The following FRYL variants were observed in gnomAD, a reference collection of about 807,000 sequenced individuals.
FRYL encodes the protein protein furry homolog-like.
Under a neutral mutation model 351.2 loss-of-function variants are expected in FRYL, and 150 were observed. That is an observed-to-expected ratio of 0.43 (90% CI 0.37 to 0.49). The LOEUF (loss-of-function observed/expected upper bound fraction) is 0.49, where lower values mean the gene tolerates loss of function less well. FRYL is among the 20% of genes least tolerant of loss of function. The probability of loss-of-function intolerance (pLI) is 0.00; values close to 1 mark genes in which losing one functional copy is unlikely to be tolerated. For missense variants in FRYL, 3,036 were observed against 3,619.3 expected (o/e 0.84, Z 4.13); for synonymous variants, 1,153 against 1,257.1 (o/e 0.92, Z 1.75).
chr4:48,589,242 G>C (rs1267398600), intron 18 of FRYL, among the ~76,000 whole-genome samples: 2 of 152,076 alleles, frequency 1.3e-5, no homozygotes, highest in Non-Finnish European at 2.9e-5. Flanking sequence ...AAGATGCAGA[G>C]ATGACAAATA....
intron 1 of FRYL, among the ~76,000 whole-genome samples, chr4:48,779,508 G>A (rs1362028482): frequency 2.0e-5 from 3 of 151,916 alleles, no homozygotes; most frequent in Non-Finnish European, 4.4e-5. Flanking sequence ...GGGCTGGCGC[G>A]CTCCGCCGGT....
intron 2 of FRYL, among the ~76,000 whole-genome samples, chr4:48,706,492 A>T (rs1207541170): frequency 6.6e-6 from 1 of 152,188 alleles, no homozygotes; most frequent in Non-Finnish European, 1.5e-5. Context: ...TGGGCAAAGA[A>T]GACGATGGGG....
chr4:48,683,455 T>A (rs1157809236), intron 3 of FRYL, among the ~76,000 whole-genome samples: 15 of 151,938 alleles, frequency 9.9e-5, no homozygotes, highest in Admixed American at 3.9e-4. Flanking sequence ...AAATTTCTGG[T>A]TCTGAATTAC....
intron 47 of FRYL, 26 bp from the exon 48 acceptor site, chr4:48,535,853 T>C (rs1728765161): frequency 1.4e-6 from 2 of 1,453,820 alleles, no homozygotes; most frequent in Non-Finnish European, 1.8e-6. Flanking sequence ...AATTATTTCA[T>C]TCACCTAAAA....
chr4:48,620,138 C>A (rs551271978), intron 6 of FRYL, among the ~76,000 whole-genome samples: 26 of 152,286 alleles, frequency 1.7e-4, no homozygotes, highest in African/African-American at 6.0e-4. Flanking sequence ...CACCTGAACA[C>A]ACGTGGCTCT....
At chr4:48,649,300 T>C (rs1488498358) in intron 3 of FRYL, among the ~76,000 whole-genome samples, 2 of 152,182 alleles carry the variant, frequency 1.3e-5, no homozygotes, top group Non-Finnish European at 2.9e-5. Context: ...TGTGCAAAAA[T>C]GCAAGTAATC....
Position 48,586,534 on chromosome 4 carries a change from T to C in FRYL, c.1748+87A>G, listed in dbSNP as rs1578232888. 1.4e-5 allele frequency: 12 copies of C among 850,718 alleles called. No individual in the cohort carries two copies. The East Asian group carries it at 3.1e-4, about 22-fold the overall frequency. The allele number at this position is 850,718 out of a possible 1,614,324, so 52.7% of individuals were successfully genotyped here. On this transcript the variant is annotated intron_variant, in intron 19 of 63. Transcript: ENST00000358350. ...TTAGAAATGTCTTTAACATCGCCTT[T>C]TTAGTGATAACAGTAACAAAGGTAT...
intron 3 of FRYL, among the ~76,000 whole-genome samples, chr4:48,657,642 T>C (rs1759529704): frequency 6.6e-6 from 1 of 152,162 alleles, no homozygotes; most frequent in African/African-American, 2.4e-5. Context: ...GCCCCAAAAA[T>C]TGTTTCTTGA....
At chr4:48,627,077 T>C (rs1461854636) in intron 4 of FRYL, among the ~76,000 whole-genome samples, 2 of 152,148 alleles carry the variant, frequency 1.3e-5, no homozygotes, top group Non-Finnish European at 2.9e-5. Flanking sequence ...AATAATATAC[T>C]AATATATGTT....
intron 1 of FRYL, among the ~76,000 whole-genome samples, 180 bp downstream of exon 1, chr4:48,779,898 G>A (rs1051328173): frequency 2.6e-5 from 4 of 151,836 alleles, no homozygotes; most frequent in African/African-American, 7.3e-5. Context: ...GGGCCGCGCC[G>A]CGCCGCTTGC....
intron 44 of FRYL, 120 bp from the exon 45 acceptor site, chr4:48,542,241 T>C (rs941485034): frequency 4.2e-6 from 3 of 706,464 alleles, no homozygotes; most frequent in Non-Finnish European, 4.9e-6. Flanking sequence ...ATGATTAAAC[T>C]CTTGAGCAAC....
intron 53 of FRYL, among the ~76,000 whole-genome samples, chr4:48,524,774 A>G (rs1725647345): frequency 6.6e-6 from 1 of 152,184 alleles, no homozygotes; most frequent in African/African-American, 2.4e-5. Flanking sequence ...GCACTGAATG[A>G]ACTTGAAAGC....
intron 1 of FRYL, among the ~76,000 whole-genome samples, chr4:48,758,691 G>C (rs1161643141): frequency 6.6e-6 from 1 of 152,202 alleles, no homozygotes; most frequent in East Asian, 1.9e-4. Flanking sequence ...CAAGGATCTA[G>C]AACTAGAAAT....
intron 1 of FRYL, among the ~76,000 whole-genome samples, chr4:48,712,829 C>G (rs908429860): frequency 1.2e-4 from 19 of 152,184 alleles, no homozygotes; most frequent in African/African-American, 1.7e-4. Flanking sequence ...CAGCCAGAGA[C>G]AAAGGTCGGG....
At chr4:48,565,442 G>T in intron 29 of FRYL, 89 bp downstream of exon 29, 1 of 969,988 alleles carries the variant, frequency 1.0e-6, no homozygotes, top group Non-Finnish European at 1.5e-6. Flanking sequence ...AATACTCTCA[G>T]ATCCTCTTTT....
intron 1 of FRYL, among the ~76,000 whole-genome samples, chr4:48,777,079 TC>T (rs1213962508): frequency 6.6e-6 from 1 of 152,180 alleles, no homozygotes; most frequent in Non-Finnish European, 1.5e-5. Flanking sequence ...AAGACTGTCA[TC>T]CAGTTCTACT....
chr4:48,603,224 G>T, intron 12 of FRYL, 66 bp downstream of exon 12: 2 of 1,109,754 alleles, frequency 1.8e-6, no homozygotes, highest in South Asian at 1.4e-5. Flanking sequence ...AATTTCCACT[G>T]AATTCATAAA....
rs139641487 is a variant in FRYL, at chr4:48,559,422, G to A, written c.3866-1710C>T. Among the ~76,000 whole-genome samples the A allele has an allele frequency of 4.1e-3, 596 of 146,110 alleles. 3 individuals are homozygous for A. Among genetic ancestry groups the A allele is most frequent in the African/African-American group, 0.014 (565 of 39,362 alleles). Reference sequence around the variant, plus strand: ...ACACTTAAGATATGGGGCTGGGTGCGGTGGCTCATGTCTGTAATCCTAAGT... The same window carrying A: ...ACACTTAAGATATGGGGCTGGGTGCAGTGGCTCATGTCTGTAATCCTAAGT... On this transcript the variant is annotated intron_variant, in intron 33 of 63. Coordinates refer to ENST00000358350, the MANE Select transcript of FRYL (RefSeq NM_015030.2).
chr4:48,774,577 GCT>G (rs1257356139), intron 1 of FRYL, among the ~76,000 whole-genome samples: 1 of 145,638 alleles, frequency 6.9e-6, no homozygotes, highest in Non-Finnish European at 1.5e-5. Context: ...AAGGAATCTT[GCT>G]CTGTCACCTA....
Sources: allele counts gnomAD v4.1 joint callset (sites outside exome capture counted in the v4.1 genomes callset), GRCh38; gene constraint gnomAD v4.1.1; transcripts MANE v1.5; gene names NCBI Gene and HGNC (gene_info 2026-07-23, HGNC 2026-07-21).